SUPT3H: variants seen among roughly 807,000 people sequenced by gnomAD.
SUPT3H encodes the protein SPT3 homolog, SAGA and STAGA complex component.
SUPT3H carries 44 observed loss-of-function variants against 44.3 expected under a neutral mutation model. The ratio of observed to expected loss-of-function variants is 0.99; its 90% CI spans 0.78 to 1.28. The LOEUF (loss-of-function observed/expected upper bound fraction) is 1.28, where lower values mean the gene tolerates loss of function less well. SUPT3H is among the 50% of genes most tolerant of loss of function. The pLI is 0.00. For missense variants in SUPT3H, 380 were observed against 387.1 expected (o/e 0.98, Z 0.15); for synonymous variants, 124 against 125.6 (o/e 0.99, Z 0.09).
At chr6:44,975,713 C>T (rs1471843842) in intron 6 of SUPT3H, among the ~76,000 whole-genome samples, 2 of 151,914 alleles carry the variant, frequency 1.3e-5, no homozygotes, top group African/African-American at 2.4e-5. Context: ...ACCTGTTCCT[C>T]AAACACTATT....
chr6:44,891,142 A>C (rs911567948), intron 10 of SUPT3H, among the ~76,000 whole-genome samples: 6 of 152,156 alleles, frequency 3.9e-5, no homozygotes, highest in African/African-American at 1.2e-4. Context: ...AAAAAGAAGA[A>C]GACCTCTTAA....
intron 10 of SUPT3H, among the ~76,000 whole-genome samples, chr6:44,884,099 G>T (rs907402492): frequency 6.6e-6 from 1 of 152,120 alleles, no homozygotes; most frequent in Non-Finnish European, 1.5e-5. Flanking sequence ...GAAAATTTTT[G>T]CAATCTATCC....
intron 10 of SUPT3H, among the ~76,000 whole-genome samples, chr6:44,886,420 C>T (rs529569694): frequency 2.6e-5 from 4 of 152,286 alleles, no homozygotes; most frequent in African/African-American, 4.8e-5. Context: ...GCTGATCTCT[C>T]GCCAGAAACT....
chr6:45,356,519 T>C (rs1025401915), intron 2 of SUPT3H, among the ~76,000 whole-genome samples: 5 of 152,122 alleles, frequency 3.3e-5, no homozygotes, highest in African/African-American at 1.2e-4. Flanking sequence ...TGCCTCAGCC[T>C]CCTGAGTAGC....
intron 2 of SUPT3H, chr6:45,197,896 A>T (rs1816347714): frequency 6.0e-6 from 1 of 165,324 alleles, no homozygotes; most frequent in African/African-American, 2.5e-5. Context: ...TAAGAAACTT[A>T]AAGCTGTATT....
intron 3 of SUPT3H, among the ~76,000 whole-genome samples, chr6:45,069,959 G>A (rs1405596167): frequency 6.6e-6 from 1 of 152,124 alleles, no homozygotes; most frequent in Non-Finnish European, 1.5e-5. Context: ...ACTGCCAGAA[G>A]AGGAAAACAT....
At chr6:45,003,232 G>A (rs956869345) in intron 6 of SUPT3H, among the ~76,000 whole-genome samples, 2 of 152,112 alleles carry the variant, frequency 1.3e-5, no homozygotes, top group Non-Finnish European at 2.9e-5. Context: ...TCCAATCAGA[G>A]CCTGCAACTA....
At chr6:45,258,849 T>C (rs887891965) in intron 2 of SUPT3H, among the ~76,000 whole-genome samples, 3 of 152,190 alleles carry the variant, frequency 2.0e-5, no homozygotes, top group Admixed American at 2.0e-4. Context: ...GATTTTAAGT[T>C]ACAAGGCTTC....
At chr6:44,968,458 T>C (rs1444664382) in intron 6 of SUPT3H, among the ~76,000 whole-genome samples, 1 of 152,316 alleles carries the variant, frequency 6.6e-6, no homozygotes, top group Non-Finnish European at 1.5e-5. Context: ...AAGGATTTAC[T>C]GGGATGGTTG....
chr6:44,903,351 T>C (rs1320619897), intron 10 of SUPT3H, among the ~76,000 whole-genome samples: 4 of 148,928 alleles, frequency 2.7e-5, no homozygotes, highest in Non-Finnish European at 3.0e-5. Flanking sequence ...AAGGGGATAT[T>C]ACCACTGATC....
At chr6:45,325,526 T>C (rs1249653909) in intron 2 of SUPT3H, among the ~76,000 whole-genome samples, 17 of 151,916 alleles carry the variant, frequency 1.1e-4, no homozygotes, top group Non-Finnish European at 2.1e-4. Context: ...CTGTATTTCA[T>C]TTCCATGGCA....
At chr6:44,883,079 A>G (rs982796255) in intron 10 of SUPT3H, among the ~76,000 whole-genome samples, 4 of 152,236 alleles carry the variant, frequency 2.6e-5, no homozygotes, top group Non-Finnish European at 5.9e-5. Flanking sequence ...TCAAATAGGA[A>G]AAGAGGAAGT....
At chr6:45,006,748 C>G (rs114064252) in intron 5 of SUPT3H, among the ~76,000 whole-genome samples, 1 of 152,100 alleles carries the variant, frequency 6.6e-6, no homozygotes, top group Non-Finnish European at 1.5e-5. Flanking sequence ...CCTTCTCCAT[C>G]TCTAAACTTT....
chr6:45,105,498 G>T (rs899155965), intron 3 of SUPT3H, among the ~76,000 whole-genome samples: 2 of 152,078 alleles, frequency 1.3e-5, no homozygotes, highest in Non-Finnish European at 2.9e-5. Context: ...TAAAAGCTAT[G>T]TTTACACTAT....
intron 2 of SUPT3H, among the ~76,000 whole-genome samples, chr6:45,194,166 G>A (rs1815619915): frequency 6.6e-6 from 1 of 151,946 alleles, no homozygotes; most frequent in South Asian, 2.1e-4. Flanking sequence ...ACATTTTATG[G>A]TATGCATTTA....
chr6:44,861,622 G>A (rs538889664), intron 10 of SUPT3H, among the ~76,000 whole-genome samples: 2 of 152,202 alleles, frequency 1.3e-5, no homozygotes, highest in South Asian at 2.1e-4. Context: ...CCCGACCTCA[G>A]GTGATTCACC....
intron 6 of SUPT3H, among the ~76,000 whole-genome samples, chr6:44,974,083 A>C (rs1465802880): frequency 1.3e-5 from 2 of 152,166 alleles, no homozygotes; most frequent in Non-Finnish European, 2.9e-5. Flanking sequence ...AAGGTTGCTA[A>C]GCAATGTGTG....
intron 10 of SUPT3H, among the ~76,000 whole-genome samples, chr6:44,850,719 G>A (rs1448198325): frequency 6.6e-6 from 1 of 151,286 alleles, no homozygotes; most frequent in Non-Finnish European, 1.5e-5. Context: ...GGGAAGCTGG[G>A]CTTATTTTGC....
At chr6:45,359,076 T>C (rs1414318647) in intron 2 of SUPT3H, among the ~76,000 whole-genome samples, 3 of 152,190 alleles carry the variant, frequency 2.0e-5, no homozygotes, top group Non-Finnish European at 4.4e-5. Flanking sequence ...AGACACTTTT[T>C]TCCCTGGTAA....
Sources: allele counts gnomAD v4.1 joint callset (sites outside exome capture counted in the v4.1 genomes callset), GRCh38; gene constraint gnomAD v4.1.1; transcripts MANE v1.5; gene names NCBI Gene and HGNC (gene_info 2026-07-23, HGNC 2026-07-21).